PPP6R2: variants seen among roughly 807,000 people sequenced by gnomAD.
PPP6R2 encodes serine/threonine-protein phosphatase 6 regulatory subunit 2.
PPP6R2 carries 62 observed loss-of-function variants against 100.2 expected under a neutral mutation model. The observed-to-expected ratio is 0.62, with a 90% CI of 0.50 to 0.76. The LOEUF (loss-of-function observed/expected upper bound fraction) is 0.76. PPP6R2 is among the 30% of genes least tolerant of loss of function. PPP6R2 has a pLI of 0.00. For missense variants in PPP6R2, 1,142 were observed against 1,276.3 expected (o/e 0.89, Z 1.60); for synonymous variants, 525 against 514.7 (o/e 1.02, Z -0.27).
In PPP6R2 at chr22:50,406,673, G is replaced by T; in HGVS notation, c.228-16G>T. 6.2e-7 allele frequency: 1 copy of T among 1,609,154 alleles called. No homozygotes were observed. The highest frequency in any genetic ancestry group is 1.1e-5 in the South Asian group (1 of 90,998). ...AGTCTAATTTCACCTCCAGTGCTTGGACTGTGCCCTTTTAGATATCCAAAC... is the reference window on the plus strand; with the variant it reads ...AGTCTAATTTCACCTCCAGTGCTTGTACTGTGCCCTTTTAGATATCCAAAC... On this transcript the variant is annotated splice_polypyrimidine_tract_variant and intron_variant, in intron 3 of 23. Transcript: ENST00000612753.
At chr22:50,404,674 A>G (rs1225120918) in intron 3 of PPP6R2, among the ~76,000 whole-genome samples, 2 of 125,402 alleles carry the variant, frequency 1.6e-5, no homozygotes, top group Non-Finnish European at 3.4e-5. Flanking sequence ...TGAGCTCAAG[A>G]GTGATCCACC....
chr22:50,353,592 A>G (rs2045793997), intron 1 of PPP6R2, among the ~76,000 whole-genome samples: 1 of 152,194 alleles, frequency 6.6e-6, no homozygotes, highest in Admixed American at 6.6e-5. Flanking sequence ...AAGTAAGCAC[A>G]TGCTGTTGGA....
chr22:50,385,690 A>G (rs2054085292), intron 2 of PPP6R2, among the ~76,000 whole-genome samples: 1 of 139,422 alleles, frequency 7.2e-6, no homozygotes, highest in Non-Finnish European at 1.5e-5. Context: ...TAATATTTTT[A>G]TTTTTAGTAG....
intron 2 of PPP6R2, among the ~76,000 whole-genome samples, chr22:50,376,707 A>G (rs556329546): frequency 9.2e-5 from 14 of 152,098 alleles, no homozygotes; most frequent in African/African-American, 3.4e-4. Flanking sequence ...TACAGGCGTG[A>G]TCTAGCATGC....
intron 2 of PPP6R2, among the ~76,000 whole-genome samples, chr22:50,386,608 A>G (rs2054308606): frequency 6.6e-6 from 1 of 152,116 alleles, no homozygotes; most frequent in Non-Finnish European, 1.5e-5. Context: ...TTCTCCTCTA[A>G]CAGTCTGGTC....
At chr22:50,336,026 C>A in the PPP6R2 span, among the ~76,000 whole-genome samples, 2 of 151,614 alleles carry the variant, frequency 1.3e-5, no homozygotes, top group Non-Finnish European at 2.9e-5. Flanking sequence ...GCTCTATCGT[C>A]CAGGCTGGAG....
At chr22:50,367,494 A>G (rs191727981) in intron 1 of PPP6R2, among the ~76,000 whole-genome samples, 33 of 152,122 alleles carry the variant, frequency 2.2e-4, no homozygotes, top group African/African-American at 7.7e-4. Context: ...TGAGGGGTGG[A>G]TGCTTAGGAT....
chr22:50,343,691 G>A (rs1203367405), intron 1 of PPP6R2, 141 bp downstream of exon 1: 1 of 74,368 alleles, frequency 1.3e-5, no homozygotes, highest in Non-Finnish European at 2.4e-5. Context: ...GTTCCCCCCA[G>A]TCGGTGCCCC....
At chr22:50,391,805 C>G (rs1027586973) in intron 2 of PPP6R2, 6 of 150,422 alleles carry the variant, frequency 4.0e-5, no homozygotes, top group African/African-American at 1.5e-4. Context: ...TTAAATTATA[C>G]TACTAGAAAA....
In PPP6R2 at chr22:50,427,921, C is replaced by CG. The variant is rs1569478159; in HGVS notation, c.1126-3252_1126-3251insG. Among the ~76,000 whole-genome samples the CG allele has an allele frequency of 3.9e-5, 6 of 152,222 alleles. No individual in the cohort carries two copies. The East Asian group carries it at 1.2e-3, about 29-fold the overall frequency. ...ATTTTTAGTAGAGACAGGGTTTCAC[C>CG]ATATTAGCCAGGACGGTCTCGATCT... On this transcript the variant is annotated intron_variant, in intron 10 of 23. Coordinates refer to ENST00000612753, the MANE Select transcript of PPP6R2 (RefSeq NM_001242898.2).
At chr22:50,395,058 G>A (rs1300088884) in intron 3 of PPP6R2, among the ~76,000 whole-genome samples, 1 of 152,136 alleles carries the variant, frequency 6.6e-6, no homozygotes, top group East Asian at 1.9e-4. Context: ...TGCTAGAGAT[G>A]CAGGTGTTAT....
At chr22:50,375,851 T>TTTTTTTTTTTTTTTTTTTTTTC (rs1241682653) in intron 2 of PPP6R2, among the ~76,000 whole-genome samples, 8 of 139,504 alleles carry the variant, frequency 5.7e-5, no homozygotes, top group Admixed American at 2.2e-4. Flanking sequence ...TTTTTTTTTT[T>TTTTTTTTTTTTTTTTTTTTTTC]TTTTTTTGAG....
At chr22:50,412,927 G>A (rs1293308115) in intron 4 of PPP6R2, among the ~76,000 whole-genome samples, 1 of 150,022 alleles carries the variant, frequency 6.7e-6, no homozygotes. Context: ...TTACAGGTGT[G>A]AGCCACTGCG....
At chr22:50,372,396 A>G (rs2050404486) in intron 2 of PPP6R2, among the ~76,000 whole-genome samples, 1 of 151,994 alleles carries the variant, frequency 6.6e-6, no homozygotes, top group Non-Finnish European at 1.5e-5. Flanking sequence ...TGAAAATACA[A>G]AAATTAGCTG....
intron 6 of PPP6R2, 61 bp from the exon 7 acceptor site, chr22:50,418,806 G>A: frequency 1.5e-6 from 2 of 1,367,072 alleles, no homozygotes; most frequent in Non-Finnish European, 2.1e-6. Context: ...GTGCCCAGCA[G>A]GGCTGGTCCT....
intron 10 of PPP6R2, among the ~76,000 whole-genome samples, chr22:50,429,875 G>T (rs1041303803): frequency 2.6e-5 from 4 of 152,202 alleles, no homozygotes; most frequent in Non-Finnish European, 5.9e-5. Flanking sequence ...GGCAGAGAAG[G>T]TGAAGCCAGG....
At chr22:50,428,003 A>C (rs531208071) in intron 10 of PPP6R2, among the ~76,000 whole-genome samples, 44 of 151,264 alleles carry the variant, frequency 2.9e-4, no homozygotes, top group African/African-American at 8.0e-4. Flanking sequence ...TATAGGCGTG[A>C]GCCACCACGC....
At chr22:50,365,591 A>G (rs1245387361) in intron 1 of PPP6R2, among the ~76,000 whole-genome samples, 1 of 151,008 alleles carries the variant, frequency 6.6e-6, no homozygotes, top group Non-Finnish European at 1.5e-5. Flanking sequence ...AGGCAGGAGA[A>G]TGGCATGAAC....
At chr22:50,416,241 G>A in intron 6 of PPP6R2, 84 bp downstream of exon 6, 1 of 1,250,942 alleles carries the variant, frequency 8.0e-7, no homozygotes, top group Non-Finnish European at 1.2e-6. Context: ...AGGGGGCGAG[G>A]GAGGGCAAGT....
Sources: allele counts gnomAD v4.1 joint callset (sites outside exome capture counted in the v4.1 genomes callset), GRCh38; gene constraint gnomAD v4.1.1; transcripts MANE v1.5; gene names NCBI Gene and HGNC (gene_info 2026-07-23, HGNC 2026-07-21).